MGST1: variants seen among roughly 807,000 people sequenced by gnomAD.
MGST1 encodes the protein microsomal glutathione S-transferase 1.
MGST1 carries 5 observed loss-of-function variants against 8.9 expected under a neutral mutation model. The observed-to-expected ratio is 0.56, with a 90% CI of 0.29 to 1.19. The LOEUF (loss-of-function observed/expected upper bound fraction) is 1.19. Ranked by LOEUF, MGST1 falls within the 50% of genes most tolerant of loss-of-function variation. The pLI, the probability that MGST1 is intolerant of heterozygous loss-of-function variation, is 0.08. For synonymous variants in MGST1, 54 were observed against 67.8 expected (o/e 0.80, Z 1.00); for missense variants, 182 against 187.4 (o/e 0.97, Z 0.17).
intron 1 of MGST1, among the ~76,000 whole-genome samples, chr12:16,349,902 G>A (rs1224963003): frequency 5.9e-5 from 9 of 151,874 alleles, no homozygotes; most frequent in African/African-American, 1.9e-4. Context: ...CTGCCACCAC[G>A]CCCAGCTAAT....
At chr12:16,368,137 C>G (rs1940226781), downstream of MGST1, among the ~76,000 whole-genome samples, 1 of 152,126 alleles carries the variant, frequency 6.6e-6, no homozygotes, top group Non-Finnish European at 1.5e-5. Context: ...CTGACTGCCA[C>G]CTTCCCGATC....
intron 4 of MGST1, among the ~76,000 whole-genome samples, chr12:16,512,430 A>G (rs1413105209): frequency 6.6e-6 from 1 of 152,220 alleles, no homozygotes; most frequent in African/African-American, 2.4e-5. Context: ...AAATATAGTA[A>G]TGTTCTCATT....
chr12:16,536,026 G>A (rs1941754702), intron 4 of MGST1, among the ~76,000 whole-genome samples: 1 of 151,710 alleles, frequency 6.6e-6, no homozygotes, highest in African/African-American at 2.4e-5. Context: ...CCATTGGAAG[G>A]GTTATTTAGT....
chr12:16,513,854 C>T lies in MGST1; in HGVS notation n.483-75674C>T, dbSNP rs1941593542. The T allele has an allele frequency of 1.6e-6, 1 of 610,452 alleles. No homozygotes were observed. The highest frequency in any genetic ancestry group is 1.8e-5 in the African/African-American group (1 of 54,096). The allele number at this position is 610,452 out of a possible 1,614,324, so 37.8% of individuals were successfully genotyped here. On this transcript the variant is annotated intron_variant and non_coding_transcript_variant, in intron 4 of 4. Transcript: ENST00000538857. The surrounding 1 kb of genome is among the most constrained non-coding windows in gnomAD (Gnocchi z 4.2). ...AAGTTCAGCCAAGATGTCTTTCTGCCCAAACCAACCTGGGGAAGTCGCACA... is the reference window on the plus strand; with the variant it reads ...AAGTTCAGCCAAGATGTCTTTCTGCTCAAACCAACCTGGGGAAGTCGCACA...
chr12:16,511,358 C>T (rs11056967), intron 4 of MGST1, among the ~76,000 whole-genome samples: 3,690 of 152,316 alleles, frequency 0.024, 110 homozygotes, highest in East Asian at 0.14. Context: ...TACAGAAATA[C>T]AGATTCATTC....
At chr12:16,386,877 T>G (rs1940508214) in intron 1 of MGST1, among the ~76,000 whole-genome samples, 1 of 152,232 alleles carries the variant, frequency 6.6e-6, no homozygotes, top group Non-Finnish European at 1.5e-5. Context: ...TGAATTATCT[T>G]TTTATCAAGC....
rs1941592364 is a variant in MGST1, at chr12:16,513,732, T to C, written n.483-75796T>C. 1.8e-6 allele frequency: 1 copy of C among 569,092 alleles called. No individual in the cohort carries two copies. Among genetic ancestry groups the C allele is most frequent in the African/African-American group, 1.9e-5 (1 of 53,054 alleles). 35.3% of individuals were successfully genotyped at this position (569,092 alleles called of 1,614,324 possible). On this transcript the variant is annotated intron_variant and non_coding_transcript_variant, in intron 4 of 4. Coordinates refer to the MGST1 transcript ENST00000538857. This position sits in a 1 kb window ranked among gnomAD's most constrained non-coding sequence, Gnocchi z 4.2. The stretch of plus-strand genomic sequence containing the variant: ...CTGCAGAAGTAGCCTTGGGCGAGAA[T>C]AGCGAAGTCTCGAAAAGTGGCCGGT...
intron 4 of MGST1, among the ~76,000 whole-genome samples, chr12:16,566,438 G>A (rs994490023): frequency 6.6e-6 from 1 of 151,950 alleles, no homozygotes; most frequent in Non-Finnish European, 1.5e-5. Flanking sequence ...GATAAATAAT[G>A]TATGAGGCGA....
chr12:16,476,458 A>G (rs1941324064), intron 4 of MGST1, among the ~76,000 whole-genome samples: 2 of 152,180 alleles, frequency 1.3e-5, no homozygotes, highest in South Asian at 4.1e-4. Context: ...GCAAGCATTC[A>G]TCTTCACTGT....
intron 4 of MGST1, among the ~76,000 whole-genome samples, chr12:16,487,687 G>A (rs1297690266): frequency 6.6e-6 from 1 of 152,062 alleles, no homozygotes; most frequent in Non-Finnish European, 1.5e-5. Flanking sequence ...TTGCTCTGTT[G>A]CCCAGGCTGG....
At chr12:16,443,175 A>G (rs1005058617), downstream of MGST1, among the ~76,000 whole-genome samples, 3 of 151,830 alleles carry the variant, frequency 2.0e-5, no homozygotes, top group Non-Finnish European at 4.4e-5. Flanking sequence ...CAGCAATAGT[A>G]TCTTTCTTAT....
At chr12:16,460,323 G>A (rs1200975627) in intron 4 of MGST1, among the ~76,000 whole-genome samples, 2 of 152,082 alleles carry the variant, frequency 1.3e-5, no homozygotes, top group Non-Finnish European at 2.9e-5. Context: ...TGGAGGAATC[G>A]GGAATGGGAA....
intron 4 of MGST1, among the ~76,000 whole-genome samples, chr12:16,498,003 C>T (rs1941480936): frequency 1.3e-5 from 2 of 152,192 alleles, no homozygotes; most frequent in East Asian, 1.9e-4. Flanking sequence ...TGTCACATTC[C>T]TTAAAGCAAA....
intron 4 of MGST1, among the ~76,000 whole-genome samples, chr12:16,558,612 G>C (rs1942277472): frequency 6.6e-6 from 1 of 152,062 alleles, no homozygotes; most frequent in South Asian, 2.1e-4. Context: ...TAGACTGAAT[G>C]AACTTACTTT....
chr12:16,563,818 C>T (rs1271030140), intron 4 of MGST1, among the ~76,000 whole-genome samples: 1 of 152,122 alleles, frequency 6.6e-6, no homozygotes, highest in Admixed American at 6.6e-5. Flanking sequence ...AGCATACCAG[C>T]TTATACATTT....
At chr12:16,471,023 G>A (rs1028404355) in intron 4 of MGST1, among the ~76,000 whole-genome samples, 4 of 152,122 alleles carry the variant, frequency 2.6e-5, no homozygotes, top group Non-Finnish European at 4.4e-5. Context: ...TTCATATGGC[G>A]GGAGGAGAGA....
At chr12:16,385,404 A>G (rs1277654303) in intron 1 of MGST1, among the ~76,000 whole-genome samples, 1 of 150,992 alleles carries the variant, frequency 6.6e-6, no homozygotes, top group Non-Finnish European at 1.5e-5. Flanking sequence ...CAATCACATG[A>G]TTTCTTTAAA....
chr12:16,399,509 G>T, intron 1 of MGST1: 1 of 1,559,762 alleles, frequency 6.4e-7, no homozygotes, highest in Non-Finnish European at 8.8e-7. Flanking sequence ...CCTTAGAAGA[G>T]TCTGACTCTT....
At position 16,563,706 on chromosome 12, in the gene MGST1, C is replaced by A. The variant is rs73054115; in HGVS notation, n.483-25822C>A. On this transcript the variant is annotated intron_variant and non_coding_transcript_variant, in intron 4 of 4. Coordinates refer to the MGST1 transcript ENST00000538857. ...TTTGTAGTGCTTGTACAGTCACATC[C>A]TCTAGATAAGAGGGCCTAAGAGTTC... Among the ~76,000 whole-genome samples the A allele has an allele frequency of 7.5e-3, 1,139 of 152,184 alleles. 5 individuals are homozygous for A. The highest frequency in any genetic ancestry group is 0.012 in the Non-Finnish European group (847 of 68,002).
Sources: gnomAD v4.1 joint callset for allele counts (sites outside exome capture counted in the v4.1 genomes callset) on GRCh38, gnomAD v4.1.1 for gene constraint, Gnocchi (gnomAD v3.1) non-coding constraint, MANE v1.5 for transcripts, NCBI Gene and HGNC (gene_info 2026-07-23, HGNC 2026-07-21) for gene names.